SUZ12: variants seen among roughly 807,000 people sequenced by gnomAD.
SUZ12 encodes SUZ12 polycomb repressive complex 2 subunit.
In SUZ12, 17 loss-of-function variants were observed where a neutral mutation model predicts 87.3. That is an observed-to-expected ratio of 0.19 (90% CI 0.13 to 0.29). The LOEUF is 0.29. SUZ12 is among the 10% of genes least tolerant of loss of function. The probability of loss-of-function intolerance (pLI) is 1.00; values close to 1 mark genes in which losing one functional copy is unlikely to be tolerated. For missense variants in SUZ12, 526 were observed against 912.2 expected (o/e 0.58, Z 5.45); for synonymous variants, 253 against 312.4 (o/e 0.81, Z 2.01).
At chr17:31,945,280 A>T (rs1038204828) in intron 3 of SUZ12, among the ~76,000 whole-genome samples, 1 of 152,170 alleles carries the variant, frequency 6.6e-6, no homozygotes, top group African/African-American at 2.4e-5. Context: ...TTACAACAAC[A>T]TAATATCCAT....
intron 4 of SUZ12, among the ~76,000 whole-genome samples, chr17:31,963,501 TTTGTTTTG>T (rs1340211482): frequency 7.0e-3 from 920 of 131,500 alleles, no homozygotes; most frequent in African/African-American, 0.035. Context: ...TTTTTTTTGT[TTTGTTTTG>T]TTTTTTGAGA....
chr17:31,959,647 T>G (rs1305280925), intron 4 of SUZ12, among the ~76,000 whole-genome samples: 1 of 152,230 alleles, frequency 6.6e-6, no homozygotes, highest in East Asian at 1.9e-4. Context: ...AATGAAGCCT[T>G]ATTCCTGCTG....
chr17:31,943,706 CT>C (rs748882581), intron 3 of SUZ12, among the ~76,000 whole-genome samples: 211 of 144,462 alleles, frequency 1.5e-3, no homozygotes, highest in African/African-American at 1.2e-3. Context: ...TTCATCAAAG[CT>C]TTTTTTTTTT....
intron 4 of SUZ12, among the ~76,000 whole-genome samples, chr17:31,955,470 G>A (rs557257722): frequency 2.0e-5 from 3 of 151,446 alleles, no homozygotes; most frequent in Non-Finnish European, 4.4e-5. Flanking sequence ...TTTTGTAGCC[G>A]GGGCACGGTG....
At chr17:31,969,187 C>T (rs1908269813) in intron 5 of SUZ12, among the ~76,000 whole-genome samples, 1 of 152,038 alleles carries the variant, frequency 6.6e-6, no homozygotes, top group African/African-American at 2.4e-5. Flanking sequence ...TCTGGTTGCC[C>T]AGGCTGGAGT....
chr17:31,966,564 T>G (rs535419244), intron 5 of SUZ12: 1 of 166,320 alleles, frequency 6.0e-6, no homozygotes, highest in African/African-American at 2.4e-5. Context: ...GCCAGGCTGG[T>G]CTTGAACTCC....
chr17:31,937,403 T>G lies in SUZ12; in HGVS notation c.157T>G (p.Ser53Ala). 1 of 1,539,390 alleles carries G rather than the reference T, an allele frequency of 6.5e-7. No homozygotes were observed. The highest frequency in any genetic ancestry group is 1.2e-5 in the South Asian group (1 of 83,446). Reference protein sequence around the residue: ...GGSCGGGGSYSASSSSSAAAA... With the variant: ...GGSCGGGGSYAASSSSSAAAA... The stretch of plus-strand genomic sequence containing the variant: ...GAGCTGTGGAGGGGGTGGCAGTTAC[T>G]CGGCCTCCTCCTCCTCCTCCGCGGC... Residue 53 changes from serine to alanine, a missense_variant, in exon 1 of 16, where the codon TCG (serine) becomes GCG (alanine). Ser to Ala is a moderately conservative substitution (Grantham distance 99). This residue lies in a region of SUZ12 where 92 missense variants were observed against 109.9 expected (regional missense o/e 0.84). Coordinates refer to ENST00000322652, the MANE Select transcript of SUZ12 (RefSeq NM_015355.4).
At chr17:31,949,810 A>G (rs1174728329) in intron 4 of SUZ12, among the ~76,000 whole-genome samples, 1 of 148,728 alleles carries the variant, frequency 6.7e-6, no homozygotes, top group African/African-American at 2.5e-5. Context: ...CAGCCTCCTG[A>G]ATAGCTGGGA....
intron 8 of SUZ12, among the ~76,000 whole-genome samples, chr17:31,979,123 A>AAAG (rs1373254361): frequency 5.3e-4 from 78 of 145,808 alleles, no homozygotes; most frequent in African/African-American, 1.9e-3. Context: ...AAAAAAAAAA[A>AAAG]AAGAATTCAA....
chr17:31,942,861 A>G (rs1370293925), intron 3 of SUZ12, among the ~76,000 whole-genome samples: 2 of 152,200 alleles, frequency 1.3e-5, no homozygotes, highest in Non-Finnish European at 2.9e-5. Context: ...CAGGTGAACA[A>G]GTTTACATTT....
chr17:31,986,696 C>T (rs549828687), intron 9 of SUZ12, among the ~76,000 whole-genome samples: 21 of 152,220 alleles, frequency 1.4e-4, no homozygotes, highest in Non-Finnish European at 2.2e-4. Flanking sequence ...GGATTACAGG[C>T]GCCAGCCACC....
intron 8 of SUZ12, among the ~76,000 whole-genome samples, chr17:31,980,099 A>G (rs1198042457): frequency 6.6e-6 from 1 of 151,978 alleles, no homozygotes; most frequent in Non-Finnish European, 1.5e-5. Flanking sequence ...CAAGGCGGGA[A>G]GACTATTTGA....
intron 9 of SUZ12, among the ~76,000 whole-genome samples, chr17:31,987,235 G>A (rs1598183493): frequency 6.6e-6 from 1 of 152,250 alleles, no homozygotes; most frequent in East Asian, 1.9e-4. Flanking sequence ...GAGAAGGAAA[G>A]TGTTTTAGAA....
At chr17:31,997,666 CAAAAAAA>C (rs892389046) in intron 15 of SUZ12, among the ~76,000 whole-genome samples, 937 of 70,408 alleles carry the variant, frequency 0.013, 11 homozygotes, top group Admixed American at 0.018. Flanking sequence ...ACCCTATCTC[CAAAAAAA>C]AAAAAAAAAA....
chr17:31,994,868 A>T (rs1909891421), intron 13 of SUZ12, 147 bp downstream of exon 13: 1 of 717,198 alleles, frequency 1.4e-6, no homozygotes, highest in African/African-American at 1.8e-5. Context: ...TAACTACTTT[A>T]TAACACTTGA....
chr17:31,944,833 G>T (rs1906523268), intron 3 of SUZ12, among the ~76,000 whole-genome samples: 1 of 152,150 alleles, frequency 6.6e-6, no homozygotes, highest in African/African-American at 2.4e-5. Flanking sequence ...AGCGTATCAA[G>T]TGAACAAGTT....
intron 6 of SUZ12, among the ~76,000 whole-genome samples, 163 bp downstream of exon 6, chr17:31,973,394 C>G (rs1038656564): frequency 6.6e-6 from 1 of 152,110 alleles, no homozygotes; most frequent in African/African-American, 2.4e-5. Context: ...TTTGCCAACT[C>G]GCATATCTGT....
chr17:31,997,555 C>T (rs1011333129), intron 15 of SUZ12, among the ~76,000 whole-genome samples: 12 of 150,556 alleles, frequency 8.0e-5, no homozygotes, highest in African/African-American at 2.7e-4. Flanking sequence ...CCCAGTTACT[C>T]GGGAGGCTGA....
At chr17:31,992,953 C>G (rs1013706366) in intron 10 of SUZ12, among the ~76,000 whole-genome samples, 1 of 151,976 alleles carries the variant, frequency 6.6e-6, no homozygotes, top group Non-Finnish European at 1.5e-5. Flanking sequence ...AATCCTCCTG[C>G]CTTGGCCTCC....
Sources: gnomAD v4.1 joint callset for allele counts (sites outside exome capture counted in the v4.1 genomes callset) on GRCh38, gnomAD v4.1.1 for gene constraint, gnomAD v4.1.1 regional missense constraint, MANE v1.5 for transcripts, NCBI Gene and HGNC (gene_info 2026-07-23, HGNC 2026-07-21) for gene names.